The following CDYL variants were observed in gnomAD, a reference collection of about 807,000 sequenced individuals.
CDYL encodes the protein chromodomain Y-like protein.
In CDYL, 8 loss-of-function variants were observed where a neutral mutation model predicts 47.3. The observed-to-expected ratio is 0.17, with a 90% CI of 0.10 to 0.31. CDYL has a LOEUF of 0.31. CDYL is among the 10% of genes least tolerant of loss of function. CDYL has a pLI of 1.00. For missense variants in CDYL, 471 were observed against 701.4 expected, an observed-to-expected ratio of 0.67 and a Z score of 3.71; for synonymous variants, 266 against 265.0, an observed-to-expected ratio of 1.00 and a Z score of -0.04.
At chr6:4,860,701 C>T (rs1367539016) in intron 1 of CDYL, among the ~76,000 whole-genome samples, 3 of 150,618 alleles carry the variant, frequency 2.0e-5, no homozygotes, top group Non-Finnish European at 2.9e-5. Context: ...CACAAGGTCC[C>T]GCAATAGCCA....
At chr6:4,875,163 G>A (rs748216904) in intron 1 of CDYL, among the ~76,000 whole-genome samples, 115 of 152,246 alleles carry the variant, frequency 7.6e-4, no homozygotes, top group Non-Finnish European at 5.3e-4. Flanking sequence ...GAGAGTCCCT[G>A]TTGTCCTGCA....
intron 3 of CDYL, among the ~76,000 whole-genome samples, chr6:4,767,446 G>A (rs531800335): frequency 6.5e-4 from 99 of 152,112 alleles, no homozygotes; most frequent in South Asian, 1.9e-3. Context: ...GGTGGCGTGC[G>A]CCTATAATCC....
chr6:4,951,627 A>C (rs1051658732), intron 5 of CDYL, among the ~76,000 whole-genome samples: 27 of 152,006 alleles, frequency 1.8e-4, no homozygotes, highest in African/African-American at 5.8e-4. Context: ...GCCACATTCA[A>C]GCCCTGGATA....
chr6:4,751,913 T>C lies in CDYL; in HGVS notation c.186+17069T>C, dbSNP rs79108346. On this transcript the variant is annotated intron_variant, in intron 3 of 8. Transcript: ENST00000328908. ...TATGGGGGTGTCTTTCCTGCGACTG[T>C]TTTGCTGGCTCTGGGCCCGGCATGA... is the stretch of plus-strand genomic sequence containing the variant. 7.4e-3 allele frequency among the ~76,000 whole-genome samples: 1,123 copies of C among 152,330 alleles called. 11 individuals carry two copies. The highest frequency in any genetic ancestry group is 0.025 in the African/African-American group (1,044 of 41,580).
At position 4,953,975 on chromosome 6, in the gene CDYL, G is replaced by A. The variant is rs772771307; in HGVS notation, c.1554G>A (p.Glu518=). ...AGCAGGCCAACGAGAGGGAGTGTGAGGTGCTGAAGAAAATCTGGGGCTCGG... is the reference window on the plus strand; with the variant it reads ...AGCAGGCCAACGAGAGGGAGTGTGAAGTGCTGAAGAAAATCTGGGGCTCGG... ...ELEQANEREC[E]VLKKIWGSAQ... is the part of the protein sequence containing the mutation. Residue 518 remains glutamate, a synonymous_variant, in exon 7 of 7, where the codon GAG becomes GAA. Coordinates refer to ENST00000397588, the MANE Select transcript of CDYL (RefSeq NM_004824.4). 2 of 1,614,180 alleles carry A rather than the reference G, an allele frequency of 1.2e-6. No homozygotes were observed. The highest frequency in any genetic ancestry group is 1.3e-5 in the African/African-American group (1 of 75,056).
chr6:4,781,735 A>G (rs1170599469), intron 1 of CDYL, among the ~76,000 whole-genome samples: 1 of 152,096 alleles, frequency 6.6e-6, no homozygotes, highest in Non-Finnish European at 1.5e-5. Flanking sequence ...GAATATTTTC[A>G]TGGTATGTAG....
chr6:4,732,674 GA>G (rs67992417), intron 2 of CDYL, among the ~76,000 whole-genome samples: 17,667 of 126,574 alleles, frequency 0.14, 1,393 homozygotes, highest in African/African-American at 0.25. Flanking sequence ...TAAAAAAAAA[GA>G]GGGGGGGATT....
upstream of CDYL, among the ~76,000 whole-genome samples, chr6:4,772,808 T>C (rs73360692): frequency 6.8e-3 from 1,042 of 152,346 alleles, 10 homozygotes; most frequent in African/African-American, 0.024. Context: ...GGAATCATTA[T>C]CAGTAGCTTT....
At chr6:4,906,662 G>T (rs370858143) in intron 2 of CDYL, among the ~76,000 whole-genome samples, 1 of 152,234 alleles carries the variant, frequency 6.6e-6, no homozygotes, top group African/African-American at 2.4e-5. Context: ...TGGTTTTTCA[G>T]ATAAACCTTA....
chr6:4,734,511 G>C, intron 2 of CDYL, among the ~76,000 whole-genome samples: 1 of 152,210 alleles, frequency 6.6e-6, no homozygotes, highest in East Asian at 1.9e-4. Context: ...ATTCCAGATG[G>C]GGAGAGTGTA....
At chr6:4,853,418 C>G (rs1421668648) in intron 1 of CDYL, among the ~76,000 whole-genome samples, 1 of 152,190 alleles carries the variant, frequency 6.6e-6, no homozygotes, top group Non-Finnish European at 1.5e-5. Context: ...TCCAGGACTT[C>G]CAACTGCGGA....
At chr6:4,734,249 C>G (rs925517278) in intron 2 of CDYL, among the ~76,000 whole-genome samples, 1 of 152,224 alleles carries the variant, frequency 6.6e-6, no homozygotes, top group East Asian at 1.9e-4. Flanking sequence ...AACTCTCTCT[C>G]TGGGAGGGTC....
At chr6:4,863,665 CA>C (rs1490488403) in intron 1 of CDYL, among the ~76,000 whole-genome samples, 2 of 152,162 alleles carry the variant, frequency 1.3e-5, no homozygotes, top group African/African-American at 4.8e-5. Flanking sequence ...GTTCTACAAG[CA>C]TGTTTAATCA....
intron 3 of CDYL, among the ~76,000 whole-genome samples, chr6:4,747,008 T>C (rs981442058): frequency 3.9e-5 from 6 of 152,192 alleles, no homozygotes; most frequent in Non-Finnish European, 7.3e-5. Flanking sequence ...TGATTTAATG[T>C]TAAAAATTCA....
intron 3 of CDYL, among the ~76,000 whole-genome samples, chr6:4,765,605 G>T (rs1022490653): frequency 6.7e-6 from 1 of 149,754 alleles, no homozygotes; most frequent in Non-Finnish European, 1.5e-5. Flanking sequence ...GCTCTGTCGC[G>T]CAGGCTGGAG....
intron 3 of CDYL, among the ~76,000 whole-genome samples, chr6:4,758,295 C>T (rs138441934): frequency 0.032 from 4,796 of 149,956 alleles, 268 homozygotes; most frequent in African/African-American, 0.11. Context: ...GCTAAGATTA[C>T]GCCACTGCAC....
Position 4,892,247 on chromosome 6 carries a change from G to T in CDYL, c.559G>T (p.Val187Phe). The change falls in exon 2 of 7, where the codon GTC becomes TTC. Residue 187 changes from valine (V) to phenylalanine (F), a missense_variant. Val to Phe is a conservative substitution (Grantham distance 50). Transcript: ENST00000397588. ...VAPEVAAEKP[V>F]GALLGPGAER... is the part of the protein sequence containing the mutation. ...ACCCGAAGTGGCAGCGGAAAAGCCG[G>T]TCGGAGCTTTATTGGGCCCCGGTGC... 6 of 1,614,242 alleles carry T rather than the reference G, an allele frequency of 3.7e-6. No individual in the cohort carries two copies. The highest frequency in any genetic ancestry group is 5.1e-6 in the Non-Finnish European group (6 of 1,180,044).
chr6:4,852,127 C>T (rs1165522519), intron 1 of CDYL, among the ~76,000 whole-genome samples: 3 of 152,044 alleles, frequency 2.0e-5, no homozygotes, highest in African/African-American at 7.3e-5. Flanking sequence ...TCCCATTTCC[C>T]GTTAATGTTT....
chr6:4,893,694 CAAAAAAA>C (rs760685131), intron 2 of CDYL, among the ~76,000 whole-genome samples: 9 of 103,370 alleles, frequency 8.7e-5, no homozygotes, highest in South Asian at 6.8e-4. Context: ...CTCCGTCTCC[CAAAAAAA>C]AAAAAAAAAG....
Sources: allele counts gnomAD v4.1 joint callset (sites outside exome capture counted in the v4.1 genomes callset), GRCh38; gene constraint gnomAD v4.1.1; transcripts MANE v1.5; gene names NCBI Gene and HGNC (gene_info 2026-07-23, HGNC 2026-07-21).